PRPH: variants seen among roughly 807,000 people sequenced by gnomAD.
PRPH encodes peripherin.
Under a neutral mutation model 52.6 loss-of-function variants are expected in PRPH, and 48 were observed. The ratio of observed to expected loss-of-function variants is 0.91; its 90% CI spans 0.72 to 1.16. The LOEUF (loss-of-function observed/expected upper bound fraction) is 1.16. Among genes scored for constraint, PRPH ranks in the 50% most tolerant of loss-of-function variants. The pLI, the probability that PRPH is intolerant of heterozygous loss-of-function variation, is 0.00. For synonymous variants in PRPH, 279 were observed against 283.8 expected (o/e 0.98, Z 0.17); for missense variants, 579 against 635.7 (o/e 0.91, Z 0.96).
In PRPH at chr12:49,295,621, G is replaced by T. The variant is rs58599399; in HGVS notation, c.421G>T (p.Asp141Tyr). The change falls in exon 1 of 9, where the codon GAC becomes TAC. Residue 141 changes from aspartate (D) to tyrosine (Y), a missense_variant. Transcript: ENST00000257860. ...CCGGGGCCAGGAGCCGGCGCGCGCC[G>T]ACCAGCTGTGCCAGCAGGAGCTGCG... ...QARGQEPARA[D>Y]QLCQQELREL... is the part of the protein sequence containing the mutation. The T allele has an allele frequency of 5.4e-3, 8,379 of 1,545,564 alleles. No individual in the cohort carries two copies. Among genetic ancestry groups the T allele is most frequent in the Non-Finnish European group, 6.6e-3 (7,611 of 1,145,732 alleles).
chr12:49,296,950 C>T lies in PRPH; in HGVS notation c.764C>T (p.Ala255Val). 6.2e-7 allele frequency: 1 copy of T among 1,613,574 alleles called. No individual in the cohort carries two copies. The highest frequency in any genetic ancestry group is 8.5e-7 in the Non-Finnish European group (1 of 1,179,928). Residue 255 changes from alanine (A) to valine (V), a missense_variant, in exon 4 of 9, where the codon GCC becomes GTC. Transcript: ENST00000257860. This position sits in a 1 kb window ranked among gnomAD's most constrained non-coding sequence, Gnocchi z 5.1. ...SQQVQQVEVE[A>V]TVKPELTAAL... ...CAGGTGCAGCAGGTGGAGGTGGAAG[C>T]CACGGTGAAGCCCGAGCTGACGGCA...
In PRPH at chr12:49,295,229, C is replaced by T; in HGVS notation, c.29C>T (p.Ala10Val). 6.2e-7 allele frequency: 1 copy of T among 1,611,608 alleles called. No individual in the cohort carries two copies. Among genetic ancestry groups the T allele is most frequent in the Non-Finnish European group, 8.5e-7 (1 of 1,179,536 alleles). ...AGCCACCACCCGTCGGGCCTCCGGG[C>T]CGGCTTCAGCTCCACCTCATACCGC... Reference protein sequence around the residue: MSHHPSGLRAGFSSTSYRRT... With the variant: MSHHPSGLRVGFSSTSYRRT... The change falls in exon 1 of 9, where the codon GCC becomes GTC. Residue 10 changes from alanine to valine, a missense_variant. Physicochemically the swap from Ala to Val is moderately conservative, Grantham distance 64. Coordinates refer to ENST00000257860, the MANE Select transcript of PRPH (RefSeq NM_006262.4).
In PRPH at chr12:49,295,743, G is replaced by C. The variant is rs758122139; in HGVS notation, c.543G>C (p.Gln181His). 2 of 1,502,398 alleles carry C rather than the reference G, an allele frequency of 1.3e-6. No individual in the cohort carries two copies. Among genetic ancestry groups the C allele is most frequent in the Non-Finnish European group, 8.8e-7 (1 of 1,133,506 alleles). 93.1% of individuals were successfully genotyped at this position (1,502,398 alleles called of 1,614,324 possible). A position where few individuals can be genotyped will look rare whatever the true frequency, so the allele number is the denominator to read the frequency against. ...GLAEDLAALK[Q>H]RLEEETRKRE... ...CGGAGGACCTGGCGGCGCTCAAGCA[G>C]AGGTCAGGGGGCAGGGCTGGGCCGC... is the stretch of plus-strand genomic sequence containing the variant. Residue 181 changes from glutamine to histidine, a missense_variant and splice_region_variant, in exon 1 of 9, where the codon CAG becomes CAC. Coordinates refer to ENST00000257860, the MANE Select transcript of PRPH (RefSeq NM_006262.4).
Position 49,296,098 on chromosome 12 carries a change from G to C in PRPH, c.546-80G>C. 1 of 1,483,812 alleles carries C rather than the reference G, an allele frequency of 6.7e-7. No individual in the cohort carries two copies. Among genetic ancestry groups the C allele is most frequent in the South Asian group, 1.2e-5 (1 of 84,216 alleles). 91.9% of individuals were successfully genotyped at this position (1,483,812 alleles called of 1,614,324 possible). On this transcript the variant is annotated intron_variant, in intron 1 of 8. Coordinates refer to ENST00000257860, the MANE Select transcript of PRPH (RefSeq NM_006262.4). This position sits in a 1 kb window ranked among gnomAD's most constrained non-coding sequence, Gnocchi z 5.1. ...CTGGGCAGCAGAACAGCCTCTAACCGGATCCTGGGGGGCGTGCGGTCTGGG... is the reference window on the plus strand; with the variant it reads ...CTGGGCAGCAGAACAGCCTCTAACCCGATCCTGGGGGGCGTGCGGTCTGGG...
rs753354493 is a variant in PRPH, at chr12:49,295,530, C to T, written c.330C>T (p.Asn110=). 1 of 1,597,570 alleles carries T rather than the reference C, an allele frequency of 6.3e-7. No individual in the cohort carries two copies. The highest frequency in any genetic ancestry group is 2.3e-5 in the East Asian group (1 of 44,310). The change falls in exon 1 of 9, where the codon AAC becomes AAT. Residue 110 remains asparagine (N), a synonymous_variant. Coordinates refer to ENST00000257860, the MANE Select transcript of PRPH (RefSeq NM_006262.4). ...AGGAGCTCAACGACCGCTTCGCCAA[C>T]TTCATCGAGAAGGTACGCTTTCTGG... The part of the protein sequence containing the change: ...ELQELNDRFA[N]FIEKVRFLEQ...
chr12:49,295,428 G>A lies in PRPH; in HGVS notation c.228G>A (p.Glu76=). 6.2e-7 allele frequency: 1 copy of A among 1,605,680 alleles called. No individual in the cohort carries two copies. Among genetic ancestry groups the A allele is most frequent in the African/African-American group, 1.3e-5 (1 of 74,956 alleles). ...GCGCCCTCCTGCGCCTGCCCTCGGA[G>A]CGCCTCGACTTCTCCATGGCCGAGG... is the stretch of plus-strand genomic sequence containing the variant. The part of the protein sequence containing the change: ...GAGALLRLPS[E]RLDFSMAEAL... Residue 76 remains glutamate, a synonymous_variant, in exon 1 of 9, where the codon GAG becomes GAA. Coordinates refer to ENST00000257860, the MANE Select transcript of PRPH (RefSeq NM_006262.4).
Position 49,295,225 on chromosome 12 carries a change from C to T in PRPH, c.25C>T (p.Arg9Trp). Residue 9 changes from arginine (R) to tryptophan (W), a missense_variant, in exon 1 of 9, where the codon CGG becomes TGG. Coordinates refer to ENST00000257860, the MANE Select transcript of PRPH (RefSeq NM_006262.4). ...AATGAGCCACCACCCGTCGGGCCTC[C>T]GGGCCGGCTTCAGCTCCACCTCATA... MSHHPSGL[R>W]AGFSSTSYRR... 6.2e-7 allele frequency: 1 copy of T among 1,611,562 alleles called. No individual in the cohort carries two copies. The highest frequency in any genetic ancestry group is 1.1e-5 in the South Asian group (1 of 90,928).
chr12:49,295,808 G>C, intron 1 of PRPH, 63 bp downstream of exon 1: 1 of 1,438,954 alleles, frequency 6.9e-7, no homozygotes, highest in Non-Finnish European at 9.0e-7. Context: ...CGAGGCGGCT[G>C]CTCTTGCCTC....
intron 1 of PRPH, 188 bp downstream of exon 1, chr12:49,295,933 C>T: frequency 1.4e-6 from 2 of 1,451,368 alleles, no homozygotes; most frequent in Non-Finnish European, 1.8e-6. Context: ...TACCCCTTTG[C>T]TCTGAGTGTT....
chr12:49,295,738 A>C lies in PRPH; in HGVS notation c.538A>C (p.Lys180Gln). Residue 180 changes from lysine to glutamine, a missense_variant, in exon 1 of 9, where the codon AAG becomes CAG. By Grantham distance (53) the Lys-to-Gln change is moderately conservative (BLOSUM62 1). Transcript: ENST00000257860. Reference sequence around the variant, plus strand: ...GCTGGCGGAGGACCTGGCGGCGCTCAAGCAGAGGTCAGGGGGCAGGGCTGG... The same window carrying C: ...GCTGGCGGAGGACCTGGCGGCGCTCCAGCAGAGGTCAGGGGGCAGGGCTGG... ...DGLAEDLAALKQRLEEETRKR... is the reference protein window; with the variant it reads ...DGLAEDLAALQQRLEEETRKR... 3 of 1,509,522 alleles carry C rather than the reference A, an allele frequency of 2.0e-6. No homozygotes were observed. The highest frequency in any genetic ancestry group is 2.6e-6 in the Non-Finnish European group (3 of 1,136,076). The allele number at this position is 1,509,522 out of a possible 1,614,324, so 93.5% of individuals were successfully genotyped here.
rs1366107167 is a variant in PRPH, at chr12:49,297,534, G to C, written c.1174G>C (p.Glu392Gln). The C allele has an allele frequency of 1.3e-6, 2 of 1,597,066 alleles. No homozygotes were observed. The highest frequency in any genetic ancestry group is 2.7e-5 in the African/African-American group (2 of 73,946). Residue 392 changes from glutamate to glutamine, a missense_variant, in exon 6 of 9, where the codon GAG (glutamate) becomes CAG (glutamine). Physicochemically the swap from Glu to Gln is conservative, Grantham distance 29 (BLOSUM62 2). Transcript: ENST00000257860. This position sits in a 1 kb window ranked among gnomAD's most constrained non-coding sequence, Gnocchi z 4.4. Reference protein sequence around the residue: ...LLNVKMALDIEIATYRKLLEG... With the variant: ...LLNVKMALDIQIATYRKLLEG... ...CAACGTCAAGATGGCCCTGGACATC[G>C]AGATCGCCACCTACCGCAAGCTGCT...
At position 49,297,330 on chromosome 12, in the gene PRPH, C is replaced by G. The variant is rs376923557; in HGVS notation, c.997-27C>G. The G allele has an allele frequency of 1.2e-5, 20 of 1,613,746 alleles. No individual in the cohort carries two copies. The highest frequency in any genetic ancestry group is 1.4e-5 in the Non-Finnish European group (17 of 1,180,002). The stretch of plus-strand genomic sequence containing the variant: ...GAGCGGACGATGAAATGTTCTGCAA[C>G]TGGCCCCTTCCACTCTCCTACCCCA... On this transcript the variant is annotated intron_variant, in intron 5 of 8. Coordinates refer to ENST00000257860, the MANE Select transcript of PRPH (RefSeq NM_006262.4). The surrounding 1 kb of genome is among the most constrained non-coding windows in gnomAD (Gnocchi z 4.4).
At chr12:49,295,769 T>TGCCGTCGAGGCGAGGTCGAAGCG in intron 1 of PRPH, 24 bp downstream of exon 1, 11 of 1,458,342 alleles carry the variant, frequency 7.5e-6, no homozygotes, top group East Asian at 2.5e-5. Context: ...GCTGGGCCGC[T>TGCCGTCGAGGCGAGGTCGAAGCG]GCCGTCGAGG....
At position 49,296,572 on chromosome 12, in the gene PRPH, G is replaced by T. The variant is rs751695507; in HGVS notation, c.702+45G>T. The T allele has an allele frequency of 6.4e-7, 1 of 1,568,970 alleles. No homozygotes were observed. Among genetic ancestry groups the T allele is most frequent in the Non-Finnish European group, 8.8e-7 (1 of 1,142,032 alleles). ...GGGGCGGTTTCTGAGGTTGTGGGGTGGTCTCGCTGGAGCTGGCGGGTGGAG... is the reference window on the plus strand; with the variant it reads ...GGGGCGGTTTCTGAGGTTGTGGGGTTGTCTCGCTGGAGCTGGCGGGTGGAG... On this transcript the variant is annotated intron_variant, in intron 3 of 8. Coordinates refer to ENST00000257860, the MANE Select transcript of PRPH (RefSeq NM_006262.4). The surrounding 1 kb of genome is among the most constrained non-coding windows in gnomAD (Gnocchi z 5.1).
chr12:49,296,306 G>T lies in PRPH; in HGVS notation c.606+68G>T. ...CCCCCGATCTCAGTATCCAGAGGTGGCATCGGTGGGCGCGGGGAGAAGGGG... is the reference window on the plus strand; with the variant it reads ...CCCCCGATCTCAGTATCCAGAGGTGTCATCGGTGGGCGCGGGGAGAAGGGG... On this transcript the variant is annotated intron_variant, in intron 2 of 8. Transcript: ENST00000257860. This position sits in a 1 kb window ranked among gnomAD's most constrained non-coding sequence, Gnocchi z 5.1. 1 of 1,588,292 alleles carries T rather than the reference G, an allele frequency of 6.3e-7. No individual in the cohort carries two copies. Among genetic ancestry groups the T allele is most frequent in the Non-Finnish European group, 8.6e-7 (1 of 1,161,056 alleles).
chr12:49,298,549 A>T lies in PRPH; in HGVS notation c.*196A>T. On this transcript the variant is annotated 3_prime_UTR_variant, in exon 9 of 9. Transcript: ENST00000257860. Reference sequence around the variant, plus strand: ...CCTGCCCTGACACTTGATGTGACCTATGTGCTTCCCTTTTCATGTCCCGAT... The same window carrying T: ...CCTGCCCTGACACTTGATGTGACCTTTGTGCTTCCCTTTTCATGTCCCGAT... 1 of 605,094 alleles carries T rather than the reference A, an allele frequency of 1.7e-6. No individual in the cohort carries two copies. Among genetic ancestry groups the T allele is most frequent in the Non-Finnish European group, 3.0e-6 (1 of 338,134 alleles). 37.5% of individuals were successfully genotyped at this position (605,094 alleles called of 1,614,324 possible).
At position 49,297,143 on chromosome 12, in the gene PRPH, C is replaced by T; in HGVS notation, c.871-5C>T. On this transcript the variant is annotated splice_polypyrimidine_tract_variant and splice_region_variant and intron_variant, in intron 4 of 8. Coordinates refer to ENST00000257860, the MANE Select transcript of PRPH (RefSeq NM_006262.4). The surrounding 1 kb of genome is among the most constrained non-coding windows in gnomAD (Gnocchi z 4.4). ...ACTAAAGCCTGGGTTACCCCCACTTCTCAGTACGCGGACCTGTCCGACGCT... is the reference window on the plus strand; with the variant it reads ...ACTAAAGCCTGGGTTACCCCCACTTTTCAGTACGCGGACCTGTCCGACGCT... 1 of 1,614,040 alleles carries T rather than the reference C, an allele frequency of 6.2e-7. No individual in the cohort carries two copies. The highest frequency in any genetic ancestry group is 1.3e-5 in the African/African-American group (1 of 75,046).
At position 49,298,307 on chromosome 12, in the gene PRPH, A is replaced by C; in HGVS notation, c.1367A>C (p.Lys456Thr). The C allele has an allele frequency of 6.2e-7, 1 of 1,614,206 alleles. No homozygotes were observed. The highest frequency in any genetic ancestry group is 8.5e-7 in the Non-Finnish European group (1 of 1,180,026). Residue 456 changes from lysine to threonine, a missense_variant, in exon 9 of 9, where the codon AAG becomes ACG. Physicochemically the swap from Lys to Thr is moderately conservative, Grantham distance 78. Coordinates refer to ENST00000257860, the MANE Select transcript of PRPH (RefSeq NM_006262.4). Reference protein sequence around the residue: ...RNGEVVTESQKEQRSELDKSS... With the variant: ...RNGEVVTESQTEQRSELDKSS... The stretch of plus-strand genomic sequence containing the variant: ...CAGCAGGTGGTGACAGAGTCCCAGA[A>C]GGAGCAGCGCAGTGAGCTGGACAAG...
Position 49,296,164 on chromosome 12 carries a change from G to T in PRPH, c.546-14G>T, listed in dbSNP as rs1210095797. 6.2e-7 allele frequency: 1 copy of T among 1,610,920 alleles called. No individual in the cohort carries two copies. The highest frequency in any genetic ancestry group is 1.3e-5 in the African/African-American group (1 of 75,010). On this transcript the variant is annotated splice_polypyrimidine_tract_variant and intron_variant, in intron 1 of 8. Coordinates refer to ENST00000257860, the MANE Select transcript of PRPH (RefSeq NM_006262.4). This position sits in a 1 kb window ranked among gnomAD's most constrained non-coding sequence, Gnocchi z 5.1. Reference sequence around the variant, plus strand: ...CGACCCCGCAGTTCAGCCTCTGCACGCTCTTCCCGTCAGGTTGGAGGAGGA... The same window carrying T: ...CGACCCCGCAGTTCAGCCTCTGCACTCTCTTCCCGTCAGGTTGGAGGAGGA...
Sources: gnomAD v4.1 joint callset for allele counts on GRCh38, gnomAD v4.1.1 for gene constraint, Gnocchi (gnomAD v3.1) non-coding constraint, MANE v1.5 for transcripts, NCBI Gene and HGNC (gene_info 2026-07-23, HGNC 2026-07-21) for gene names.